VAV2: variants seen among roughly 807,000 people sequenced by gnomAD.
VAV2 encodes the protein vav guanine nucleotide exchange factor 2.
Under a neutral mutation model 132.5 loss-of-function variants are expected in VAV2, and 67 were observed. The observed-to-expected ratio is 0.51, with a 90% CI of 0.42 to 0.62. The LOEUF is 0.62. Among genes scored for constraint, VAV2 ranks in the 20% least tolerant of loss-of-function variants. The probability of loss-of-function intolerance (pLI) is 0.00; values close to 1 mark genes in which losing one functional copy is unlikely to be tolerated. For missense variants in VAV2, 938 were observed against 1,153.6 expected (o/e 0.81, Z 2.71); for synonymous variants, 492 against 443.5 (o/e 1.11, Z -1.37).
chr9:133,879,641 C>T lies in VAV2; in HGVS notation c.322-18209G>A, dbSNP rs1406540862. Reference sequence around the variant, plus strand: ...CCAAATGCAAATCTAAGCAACAAGCCGCACACACCAGGACGAACAGCACTG... The same window carrying T: ...CCAAATGCAAATCTAAGCAACAAGCTGCACACACCAGGACGAACAGCACTG... On this transcript the variant is annotated intron_variant, in intron 2 of 29. Transcript: ENST00000371850. This position sits in a 1 kb window ranked among gnomAD's most constrained non-coding sequence, Gnocchi z 4.4. 1.3e-5 allele frequency among the ~76,000 whole-genome samples: 2 copies of T among 152,102 alleles called. No homozygotes were observed. The highest frequency in any genetic ancestry group is 2.9e-5 in the Non-Finnish European group (2 of 68,030).
chr9:133,769,603 C>A lies in VAV2; in HGVS notation c.2348-100G>T. 7.7e-7 allele frequency: 1 copy of A among 1,295,926 alleles called. No individual in the cohort carries two copies. The highest frequency in any genetic ancestry group is 1.1e-6 in the Non-Finnish European group (1 of 937,022). The allele number at this position is 1,295,926 out of a possible 1,614,324, so 80.3% of individuals were successfully genotyped here. On this transcript the variant is annotated intron_variant, in intron 27 of 29. Coordinates refer to ENST00000371850, the MANE Select transcript of VAV2 (RefSeq NM_001134398.2). This position sits in a 1 kb window ranked among gnomAD's most constrained non-coding sequence, Gnocchi z 8.1. ...GCCGGGGGGCATGGGGTGGGGCAGG[C>A]CCTTTGGCAGGAGAGGCCCTACAGG...
At position 133,863,716 on chromosome 9, in the gene VAV2, T is replaced by A. The variant is rs1837688859; in HGVS notation, c.322-2284A>T. 6.6e-6 allele frequency among the ~76,000 whole-genome samples: 1 copy of A among 152,112 alleles called. No homozygotes were observed. On this transcript the variant is annotated intron_variant, in intron 2 of 29. Transcript: ENST00000371850. The surrounding 1 kb of genome is among the most constrained non-coding windows in gnomAD (Gnocchi z 5.0). Reference sequence around the variant, plus strand: ...ATGCTGGAGGAGCCCTGGCCCTCCATCGGCCTGAATTTCAGGCTTCCTAGC... The same window carrying A: ...ATGCTGGAGGAGCCCTGGCCCTCCAACGGCCTGAATTTCAGGCTTCCTAGC...
At chr9:133,803,915 C>T (rs942562530) in intron 9 of VAV2, among the ~76,000 whole-genome samples, 4 of 152,190 alleles carry the variant, frequency 2.6e-5, no homozygotes, top group Admixed American at 6.5e-5. Context: ...TTCTGCTCCC[C>T]AACCCGCCTC....
chr9:133,946,016 G>T (rs1841346065), intron 1 of VAV2, among the ~76,000 whole-genome samples: 1 of 152,222 alleles, frequency 6.6e-6, no homozygotes, highest in African/African-American at 2.4e-5. Flanking sequence ...AGACTGTACT[G>T]AGGCCATCTC....
At chr9:133,900,029 T>C (rs2905165) in intron 2 of VAV2, among the ~76,000 whole-genome samples, 1 of 131,898 alleles carries the variant, frequency 7.6e-6, no homozygotes. Context: ...TCAAAAAAAA[T>C]AAATAAATAA....
intron 2 of VAV2, among the ~76,000 whole-genome samples, chr9:133,886,089 G>A (rs1838692309): frequency 6.6e-6 from 1 of 152,220 alleles, no homozygotes; most frequent in Non-Finnish European, 1.5e-5. Flanking sequence ...GGGAGGCTGA[G>A]ATGCAGCTCA....
intron 3 of VAV2, among the ~76,000 whole-genome samples, chr9:133,852,416 C>T (rs1440287113): frequency 2.9e-5 from 4 of 139,270 alleles, no homozygotes; most frequent in South Asian, 2.4e-4. Flanking sequence ...GGGGGGAGTG[C>T]GGGGATGGGA....
rs1210695471 is a variant in VAV2, at chr9:133,788,311, C to T, written c.1407+43G>A. The T allele has an allele frequency of 6.3e-7, 1 of 1,584,098 alleles. No homozygotes were observed. Among genetic ancestry groups the T allele is most frequent in the South Asian group, 1.1e-5 (1 of 90,264 alleles). On this transcript the variant is annotated intron_variant, in intron 15 of 29. Coordinates refer to ENST00000371850, the MANE Select transcript of VAV2 (RefSeq NM_001134398.2). The surrounding 1 kb of genome is among the most constrained non-coding windows in gnomAD (Gnocchi z 5.3). The stretch of plus-strand genomic sequence containing the variant: ...GAACCCAGTGCCTCTCTCCAGGCCA[C>T]CCCCACGTTCCTGGGTAGCAGGGGG...
chr9:133,971,337 A>G (rs981861323), intron 1 of VAV2, among the ~76,000 whole-genome samples: 8 of 152,164 alleles, frequency 5.3e-5, no homozygotes, highest in African/African-American at 9.7e-5. Context: ...GGGCAGCCGC[A>G]AGCAGGCACC....
At chr9:133,915,770 A>G (rs1840058403) in intron 2 of VAV2, among the ~76,000 whole-genome samples, 1 of 146,814 alleles carries the variant, frequency 6.8e-6, no homozygotes, top group African/African-American at 2.6e-5. Flanking sequence ...CATACACACA[A>G]TGCACACACG....
rs1842322373 is a variant in VAV2 at position 133,971,202 on chromosome 9, C to T, written c.204+20873G>A. ...CAGTCTCCAAAGCTTGCAGATGGAA[C>T]AGTCGTAACTGCTGCTGTGAGGCCT... On this transcript the variant is annotated intron_variant, in intron 1 of 29. Coordinates refer to ENST00000371850, the MANE Select transcript of VAV2 (RefSeq NM_001134398.2). Among the ~76,000 whole-genome samples the T allele has an allele frequency of 2.0e-5, 3 of 152,310 alleles. No individual in the cohort carries two copies. The South Asian group carries it at 6.2e-4, about 32-fold the overall frequency.
chr9:133,785,902 G>C lies in VAV2; in HGVS notation c.1423-17C>G, dbSNP rs987170527. The C allele has an allele frequency of 2.5e-6, 4 of 1,607,380 alleles. No individual in the cohort carries two copies. In the African/African-American group the frequency reaches 5.3e-5, roughly 21 times the overall value. ...GTAGGACCACTGCAGGGGGGAGAGG[G>C]GCCATGCTTGCAATAGACACGGCTT... On this transcript the variant is annotated splice_polypyrimidine_tract_variant and intron_variant, in intron 16 of 29. Transcript: ENST00000371850.
At chr9:133,895,347 A>G (rs1332503552) in intron 2 of VAV2, among the ~76,000 whole-genome samples, 2 of 152,192 alleles carry the variant, frequency 1.3e-5, no homozygotes, top group Admixed American at 1.3e-4. Context: ...CCTGTCTGTA[A>G]CATGACTCTT....
intron 2 of VAV2, among the ~76,000 whole-genome samples, chr9:133,920,533 C>T (rs1003828192): frequency 6.6e-6 from 1 of 152,202 alleles, no homozygotes; most frequent in Non-Finnish European, 1.5e-5. Flanking sequence ...GAGGCCTGAG[C>T]ACTGAGGTCC....
chr9:133,977,813 G>A (rs926196543), intron 1 of VAV2, among the ~76,000 whole-genome samples: 5 of 152,232 alleles, frequency 3.3e-5, no homozygotes, highest in African/African-American at 9.6e-5. Flanking sequence ...GGGAGCAGCC[G>A]AGGTCAAGGG....
At chr9:133,959,790 C>T (rs1376647625) in intron 1 of VAV2, among the ~76,000 whole-genome samples, 1 of 152,120 alleles carries the variant, frequency 6.6e-6, no homozygotes, top group Non-Finnish European at 1.5e-5. Flanking sequence ...GGGATGAGGC[C>T]CTGAGAAGAT....
chr9:133,787,389 T>TG, intron 15 of VAV2, 129 bp from the exon 16 acceptor site: 1 of 1,112,194 alleles, frequency 9.0e-7, no homozygotes, highest in Non-Finnish European at 1.2e-6. Flanking sequence ...GTGCCCAGGC[T>TG]GGGGGTGGGG....
At chr9:133,895,294 G>A (rs1327265148) in intron 2 of VAV2, among the ~76,000 whole-genome samples, 5 of 151,968 alleles carry the variant, frequency 3.3e-5, no homozygotes, top group Non-Finnish European at 5.9e-5. Context: ...GAGGCCTGGC[G>A]GGGCTGGGGT....
At chr9:133,893,445 C>T (rs1839063185) in intron 2 of VAV2, among the ~76,000 whole-genome samples, 1 of 152,224 alleles carries the variant, frequency 6.6e-6, no homozygotes, top group Admixed American at 6.5e-5. Flanking sequence ...GCCCTAGCGA[C>T]AACTCTGGGG....
Sources: gnomAD v4.1 joint callset for allele counts (sites outside exome capture counted in the v4.1 genomes callset) on GRCh38, gnomAD v4.1.1 for gene constraint, Gnocchi (gnomAD v3.1) non-coding constraint, MANE v1.5 for transcripts, NCBI Gene and HGNC (gene_info 2026-07-23, HGNC 2026-07-21) for gene names.